The following THRB variants were observed in gnomAD, a reference collection of about 807,000 sequenced individuals.
THRB encodes the protein thyroid hormone receptor beta, also known as nuclear receptor subfamily 1 group A member 2.
Under a neutral mutation model 47.8 loss-of-function variants are expected in THRB, and 12 were observed. That is an observed-to-expected ratio of 0.25 (90% CI 0.16 to 0.41). THRB has a LOEUF of 0.41. Among genes scored for constraint, THRB ranks in the 10% least tolerant of loss-of-function variants. The pLI is 1.00. For missense variants in THRB, 348 were observed against 589.2 expected (o/e 0.59, Z 4.24); for synonymous variants, 218 against 212.2 (o/e 1.03, Z -0.24).
intron 1 of THRB, among the ~76,000 whole-genome samples, chr3:24,362,022 A>T (rs906908266): frequency 6.6e-6 from 1 of 152,142 alleles, no homozygotes; most frequent in Admixed American, 6.6e-5. Context: ...ACCACCAATA[A>T]TAATAGCAGT....
At chr3:24,191,471 G>A (rs912337923) in intron 4 of THRB, among the ~76,000 whole-genome samples, 1 of 151,922 alleles carries the variant, frequency 6.6e-6, no homozygotes, top group South Asian at 2.1e-4. Context: ...GTGAAATTAC[G>A]AGAAGACCAT....
chr3:24,228,580 C>A (rs908902132), intron 4 of THRB, among the ~76,000 whole-genome samples: 1 of 146,776 alleles, frequency 6.8e-6, no homozygotes, highest in Non-Finnish European at 1.5e-5. Context: ...CTGCAGTAAA[C>A]CGTGAGTGCA....
At chr3:24,326,754 G>GTTTTTTTTTTTTT (rs1300726453) in intron 2 of THRB, among the ~76,000 whole-genome samples, 1 of 58,968 alleles carries the variant, frequency 1.7e-5, no homozygotes, top group African/African-American at 1.0e-4. Context: ...GTCCAGTCTT[G>GTTTTTTTTTTTTT]TCTTTTTTTT....
chr3:24,482,668 C>T (rs992508669), intron 1 of THRB, among the ~76,000 whole-genome samples: 2 of 151,896 alleles, frequency 1.3e-5, no homozygotes, highest in African/African-American at 2.4e-5. Flanking sequence ...GGTTTCTCTT[C>T]CCTGCTCCGT....
At chr3:24,377,369 A>T (rs972055211) in intron 1 of THRB, among the ~76,000 whole-genome samples, 2 of 152,114 alleles carry the variant, frequency 1.3e-5, no homozygotes, top group Non-Finnish European at 2.9e-5. Context: ...ACATGACCCA[A>T]GTTGGGCCAG....
At chr3:24,234,489 T>TA (rs1358497751) in intron 3 of THRB, among the ~76,000 whole-genome samples, 1 of 152,122 alleles carries the variant, frequency 6.6e-6, no homozygotes, top group African/African-American at 2.4e-5. Flanking sequence ...GATGAGTTTC[T>TA]AAAAAACAAG....
chr3:24,300,043 G>T (rs964694023), intron 2 of THRB, among the ~76,000 whole-genome samples: 1 of 151,966 alleles, frequency 6.6e-6, no homozygotes. Context: ...TACATCTCTA[G>T]ATCTGTCCAG....
intron 4 of THRB, among the ~76,000 whole-genome samples, chr3:24,199,303 G>A (rs2044328074): frequency 6.6e-6 from 1 of 152,198 alleles, no homozygotes; most frequent in Admixed American, 6.5e-5. Context: ...TTTAGGCAAA[G>A]TCTTGCAAAA....
chr3:24,388,209 C>G (rs563258825), intron 1 of THRB, among the ~76,000 whole-genome samples: 1 of 152,216 alleles, frequency 6.6e-6, no homozygotes, highest in South Asian at 2.1e-4. Flanking sequence ...AAAGGCCCAG[C>G]CCCGTCACCC....
chr3:24,285,831 G>A (rs991319382), intron 3 of THRB, among the ~76,000 whole-genome samples: 9 of 152,160 alleles, frequency 5.9e-5, no homozygotes, highest in African/African-American at 2.2e-4. Flanking sequence ...GCTTTATAAT[G>A]TTCACTTGGA....
intron 2 of THRB, among the ~76,000 whole-genome samples, chr3:24,303,915 C>T (rs879519235): frequency 3.9e-4 from 60 of 152,152 alleles, no homozygotes; most frequent in Middle Eastern, 3.4e-3. Context: ...TAATTTTTAA[C>T]GATGTTTAAT....
intron 3 of THRB, among the ~76,000 whole-genome samples, chr3:24,235,336 C>G (rs954633074): frequency 6.6e-6 from 1 of 152,102 alleles, no homozygotes; most frequent in Non-Finnish European, 1.5e-5. Context: ...TAAAAATTAC[C>G]TCATGAAAAA....
At chr3:24,467,756 A>G (rs929316634) in intron 1 of THRB, among the ~76,000 whole-genome samples, 1 of 152,244 alleles carries the variant, frequency 6.6e-6, no homozygotes, top group Non-Finnish European at 1.5e-5. Context: ...TGTTCCATTC[A>G]TATAGCCTAG....
At chr3:24,404,134 T>C (rs78206624) in intron 1 of THRB, among the ~76,000 whole-genome samples, 24 of 151,936 alleles carry the variant, frequency 1.6e-4, no homozygotes, top group Non-Finnish European at 2.8e-4. Context: ...ATCCTGAATA[T>C]TGTACTATAT....
At chr3:24,242,672 AT>A (rs1336637503) in intron 3 of THRB, among the ~76,000 whole-genome samples, 12 of 152,146 alleles carry the variant, frequency 7.9e-5, no homozygotes, top group African/African-American at 2.9e-4. Flanking sequence ...AGTGAATCAC[AT>A]ACCTTCTTCT....
intron 1 of THRB, chr3:24,458,973 T>C (rs2073440209): frequency 6.6e-6 from 1 of 151,640 alleles, no homozygotes; most frequent in African/African-American, 2.4e-5. Context: ...TATTTATTTA[T>C]TATACTTTAA....
intron 5 of THRB, among the ~76,000 whole-genome samples, chr3:24,168,490 A>ATATATATATAT (rs1559499553): frequency 1.7e-4 from 23 of 137,988 alleles, no homozygotes; most frequent in South Asian, 1.2e-3. Flanking sequence ...TTCAATCAAT[A>ATATATATATAT]ATATATATAT....
intron 3 of THRB, among the ~76,000 whole-genome samples, chr3:24,289,153 G>C (rs1322499103): frequency 1.3e-5 from 2 of 152,126 alleles, no homozygotes; most frequent in Non-Finnish European, 1.5e-5. Context: ...GGACAGACGA[G>C]GGCTTCATTA....
intron 1 of THRB, among the ~76,000 whole-genome samples, chr3:24,472,880 GC>G (rs544972126): frequency 1.3e-3 from 202 of 152,122 alleles, no homozygotes; most frequent in South Asian, 1.2e-3. Flanking sequence ...GCACTCTTGT[GC>G]CCTTTTATTT....
Sources: gnomAD v4.1 joint callset for allele counts (sites outside exome capture counted in the v4.1 genomes callset) on GRCh38, gnomAD v4.1.1 for gene constraint, MANE v1.5 for transcripts, NCBI Gene and HGNC (gene_info 2026-07-23, HGNC 2026-07-21) for gene names.